MICU2: variants seen among roughly 807,000 people sequenced by gnomAD.
MICU2 encodes the protein calcium uptake protein 2, mitochondrial.
Under a neutral mutation model 60.4 loss-of-function variants are expected in MICU2, and 64 were observed. That is an observed-to-expected ratio of 1.06 (90% CI 0.87 to 1.31). MICU2 has a LOEUF of 1.31. Among genes scored for constraint, MICU2 ranks in the 50% most tolerant of loss-of-function variants. MICU2 has a pLI of 0.00. For missense variants in MICU2, 569 were observed against 531.0 expected (o/e 1.07, Z -0.70); for synonymous variants, 201 against 175.0 (o/e 1.15, Z -1.17).
Position 21,603,925 on chromosome 13 carries a change from A to G in MICU2, c.210+14T>C. 1 of 1,611,128 alleles carries G rather than the reference A, an allele frequency of 6.2e-7. No homozygotes were observed. Among genetic ancestry groups the G allele is most frequent in the Non-Finnish European group, 8.5e-7 (1 of 1,178,948 alleles). On this transcript the variant is annotated intron_variant, in intron 1 of 11. Coordinates refer to ENST00000382374, the MANE Select transcript of MICU2 (RefSeq NM_152726.3). Reference sequence around the variant, plus strand: ...GAGCTTGACTGGGGCTAGCAGAAGGAGTTAGTCCTGTACCTGTGCGGAGAC... The same window carrying G: ...GAGCTTGACTGGGGCTAGCAGAAGGGGTTAGTCCTGTACCTGTGCGGAGAC...
rs1475740744 is a variant in MICU2 at position 21,539,672 on chromosome 13, C to T, written c.375G>A (p.Lys125=). The change falls in exon 3 of 12, where the codon AAG becomes AAA. Residue 125 remains lysine, a synonymous_variant. Coordinates refer to ENST00000382374, the MANE Select transcript of MICU2 (RefSeq NM_152726.3). ...TGATGCTTACCTTTTTTGTCAGCTTCTTGACTGAAGTTTTACCTACAACAA... is the reference window on the plus strand; with the variant it reads ...TGATGCTTACCTTTTTTGTCAGCTTTTTGACTGAAGTTTTACCTACAACAA... ...FEQMERKTSV[K]KLTKKDIEDT... The T allele has an allele frequency of 6.2e-7, 1 of 1,614,030 alleles. No homozygotes were observed. The highest frequency in any genetic ancestry group is 1.1e-5 in the South Asian group (1 of 91,078).
At chr13:21,553,525 T>C (rs1260640840) in intron 2 of MICU2, among the ~76,000 whole-genome samples, 1 of 152,090 alleles carries the variant, frequency 6.6e-6, no homozygotes, top group African/African-American at 2.4e-5. Flanking sequence ...AAAGAGCTCC[T>C]GAAGGAAGCA....
intron 6 of MICU2, among the ~76,000 whole-genome samples, chr13:21,517,255 CTTCA>C (rs1260417088): frequency 3.3e-5 from 5 of 152,168 alleles, no homozygotes; most frequent in Non-Finnish European, 5.9e-5. Flanking sequence ...TATTACCATA[CTTCA>C]TTATTACTTT....
chr13:21,572,161 G>A (rs538645170), intron 1 of MICU2, among the ~76,000 whole-genome samples: 43 of 152,186 alleles, frequency 2.8e-4, no homozygotes, highest in Non-Finnish European at 4.3e-4. Flanking sequence ...TGACAGTAAG[G>A]CAGGAGAGAA....
intron 6 of MICU2, among the ~76,000 whole-genome samples, chr13:21,520,382 T>G (rs758072107): frequency 6.6e-6 from 1 of 152,242 alleles, no homozygotes; most frequent in Non-Finnish European, 1.5e-5. Context: ...TTTTCTAACA[T>G]TTGTGTACCA....
At chr13:21,544,163 A>G (rs11840168) in intron 2 of MICU2, among the ~76,000 whole-genome samples, 54,207 of 151,990 alleles carry the variant, frequency 0.36, 10,073 homozygotes, top group Non-Finnish European at 0.41. Context: ...AAATCAACTC[A>G]AAATGGATCA....
intron 1 of MICU2, among the ~76,000 whole-genome samples, chr13:21,589,312 T>C (rs778783427): frequency 6.6e-6 from 1 of 152,218 alleles, no homozygotes; most frequent in Non-Finnish European, 1.5e-5. Flanking sequence ...GTACTTATTC[T>C]TGTCAGGTGC....
intron 2 of MICU2, among the ~76,000 whole-genome samples, chr13:21,551,077 A>G (rs907305439): frequency 6.6e-6 from 1 of 152,210 alleles, no homozygotes; most frequent in Admixed American, 6.5e-5. Flanking sequence ...ATGTCCTAAC[A>G]TGCCACCTGG....
rs531592487 is a variant in MICU2, at chr13:21,589,465, T to TA, written c.210+14473dup. On this transcript the variant is annotated intron_variant, in intron 1 of 11. Coordinates refer to ENST00000382374, the MANE Select transcript of MICU2 (RefSeq NM_152726.3). ...GCAAAACAACTAAGCCAAGACATGT[T>TA]AAAAAAACTTTGAAAAGAAAGCTGT... 1.4e-3 allele frequency among the ~76,000 whole-genome samples: 211 copies of TA among 152,266 alleles called. 1 individual carries two copies. Among genetic ancestry groups the TA allele is most frequent in the African/African-American group, 4.5e-3 (185 of 41,542 alleles).
intron 2 of MICU2, among the ~76,000 whole-genome samples, chr13:21,564,416 A>G (rs1887925366): frequency 6.6e-6 from 1 of 152,078 alleles, no homozygotes. Context: ...AATAAAATCT[A>G]AGAGGTAAGT....
At chr13:21,530,468 C>CAAAA (rs68140040) in intron 4 of MICU2, among the ~76,000 whole-genome samples, 5 of 147,750 alleles carry the variant, frequency 3.4e-5, no homozygotes, top group African/African-American at 1.2e-4. Flanking sequence ...AATTCTCCTT[C>CAAAA]AAAAAAAAAA....
At chr13:21,543,390 A>G (rs994249104) in intron 2 of MICU2, among the ~76,000 whole-genome samples, 1 of 152,204 alleles carries the variant, frequency 6.6e-6, no homozygotes, top group Non-Finnish European at 1.5e-5. Context: ...AACTGTTCCT[A>G]TTTGCAGACA....
At chr13:21,502,853 A>C in intron 9 of MICU2, 73 bp downstream of exon 9, 2 of 1,411,762 alleles carry the variant, frequency 1.4e-6, no homozygotes, top group Non-Finnish European at 1.9e-6. Flanking sequence ...GTTAATTCAG[A>C]AGTTACTTTA....
intron 1 of MICU2, among the ~76,000 whole-genome samples, chr13:21,601,447 CCAACAGACCT>C (rs1487377036): frequency 6.6e-6 from 1 of 152,090 alleles, no homozygotes; most frequent in Non-Finnish European, 1.5e-5. Context: ...AAATGCTATG[CCAACAGACCT>C]TATAAAACGA....
chr13:21,573,029 T>A (rs1391555373), intron 1 of MICU2, among the ~76,000 whole-genome samples: 2 of 152,198 alleles, frequency 1.3e-5, no homozygotes, highest in Non-Finnish European at 2.9e-5. Context: ...ACTCGACTAA[T>A]GCCATATAAA....
intron 2 of MICU2, among the ~76,000 whole-genome samples, chr13:21,554,107 A>G (rs1352614436): frequency 6.6e-6 from 1 of 152,190 alleles, no homozygotes; most frequent in Non-Finnish European, 1.5e-5. Flanking sequence ...CCCACTGTCA[A>G]CATTAGACAG....
At chr13:21,591,799 G>T (rs1375508858) in intron 1 of MICU2, among the ~76,000 whole-genome samples, 2 of 152,122 alleles carry the variant, frequency 1.3e-5, no homozygotes, top group Non-Finnish European at 2.9e-5. Flanking sequence ...AATTAAGGGA[G>T]AAATCAACAA....
At position 21,557,813 on chromosome 13, in the gene MICU2, T is replaced by C. The variant is rs75320376; in HGVS notation, c.358+8984A>G. The stretch of plus-strand genomic sequence containing the variant: ...AAAATTACTGAATTCTTGATTTAGC[T>C]AAATGCCTTCTGATAGTTTAATTGC... On this transcript the variant is annotated intron_variant, in intron 2 of 11. Transcript: ENST00000382374. Among the ~76,000 whole-genome samples the C allele has an allele frequency of 8.2e-3, 1,249 of 152,368 alleles. 11 individuals carry two copies. Among genetic ancestry groups the C allele is most frequent in the African/African-American group, 0.028 (1,156 of 41,588 alleles).
At chr13:21,562,550 A>G (rs1219456047) in intron 2 of MICU2, among the ~76,000 whole-genome samples, 1 of 152,076 alleles carries the variant, frequency 6.6e-6, no homozygotes, top group African/African-American at 2.4e-5. Flanking sequence ...TATTAAAAAT[A>G]TTTTTTTAGT....
Sources: gnomAD v4.1 joint callset for allele counts (sites outside exome capture counted in the v4.1 genomes callset) on GRCh38, gnomAD v4.1.1 for gene constraint, MANE v1.5 for transcripts, NCBI Gene and HGNC (gene_info 2026-07-23, HGNC 2026-07-21) for gene names.